TAFA2: variants seen among roughly 807,000 people sequenced by gnomAD.
TAFA2 encodes chemokine-like protein TAFA-2.
TAFA2 carries 7 observed loss-of-function variants against 18.8 expected under a neutral mutation model. The ratio of observed to expected loss-of-function variants is 0.37; its 90% CI spans 0.21 to 0.70. The LOEUF (loss-of-function observed/expected upper bound fraction) is 0.70. TAFA2 is among the 30% of genes least tolerant of loss of function. The pLI is 0.53. For synonymous variants in TAFA2, 60 were observed against 54.2 expected (o/e 1.11, Z -0.47); for missense variants, 122 against 158.1 (o/e 0.77, Z 1.23).
intron 1 of TAFA2, among the ~76,000 whole-genome samples, chr12:61,941,841 G>C (rs1320323505): frequency 2.0e-5 from 3 of 152,186 alleles, no homozygotes; most frequent in Admixed American, 6.5e-5. Context: ...ACAGCAGTCT[G>C]AGATCAAACT....
At chr12:62,221,483 T>C (rs537489842) in intron 1 of TAFA2, among the ~76,000 whole-genome samples, 19 of 152,246 alleles carry the variant, frequency 1.2e-4, no homozygotes, top group Admixed American at 7.2e-4. Context: ...ACTAATAGTC[T>C]AAGTGCTATT....
intron 1 of TAFA2, among the ~76,000 whole-genome samples, chr12:62,138,620 A>C (rs1008298079): frequency 6.6e-6 from 1 of 152,180 alleles, no homozygotes; most frequent in African/African-American, 2.4e-5. Context: ...TGAACTGTGC[A>C]GTCTTCTAGA....
intron 1 of TAFA2, among the ~76,000 whole-genome samples, chr12:62,088,614 T>TAAAAAA (rs139428735): frequency 3.8e-5 from 4 of 104,468 alleles, no homozygotes; most frequent in Admixed American, 1.0e-4. Context: ...TGGACCACAT[T>TAAAAAA]AAAAAAAAAA....
intron 1 of TAFA2, among the ~76,000 whole-genome samples, chr12:61,990,334 C>T (rs934291232): frequency 3.2e-5 from 3 of 93,956 alleles, no homozygotes; most frequent in African/African-American, 1.2e-4. Context: ...AAACACTGTG[C>T]CAATTTTTTT....
rs1373463 is a variant in TAFA2, at chr12:62,139,073, G to C, written c.-2+52186C>G. ...TAGATATGGTTAAATGCTTGGGGGC[G>C]GGGGAGAGGATGAGAAGAAGAATCC... On this transcript the variant is annotated intron_variant, in intron 1 of 4. Coordinates refer to ENST00000416284, the MANE Select transcript of TAFA2 (RefSeq NM_178539.5). Among the ~76,000 whole-genome samples the C allele has an allele frequency of 1.9e-3, 289 of 152,218 alleles. 3 individuals are homozygous for C. The highest frequency in any genetic ancestry group is 6.6e-3 in the African/African-American group (274 of 41,548).
chr12:61,727,338 A>G (rs184268373), intron 4 of TAFA2, among the ~76,000 whole-genome samples: 2 of 147,806 alleles, frequency 1.4e-5, no homozygotes, highest in Non-Finnish European at 3.0e-5. Flanking sequence ...CTGTGAATCC[A>G]TCTGGTCCTG....
chr12:62,005,216 C>T (rs185049677), intron 1 of TAFA2, among the ~76,000 whole-genome samples: 12 of 152,076 alleles, frequency 7.9e-5, no homozygotes, highest in South Asian at 2.1e-4. Flanking sequence ...TGTGAGGTGA[C>T]GGCAGTGTTT....
intron 1 of TAFA2, among the ~76,000 whole-genome samples, chr12:61,950,291 T>C (rs1481161556): frequency 1.3e-5 from 2 of 152,128 alleles, no homozygotes; most frequent in African/African-American, 4.8e-5. Context: ...AAAAACAAAA[T>C]TGCTGGATAA....
chr12:62,081,818 G>A (rs1383029912), intron 1 of TAFA2, among the ~76,000 whole-genome samples: 2 of 152,092 alleles, frequency 1.3e-5, no homozygotes, highest in East Asian at 1.9e-4. Flanking sequence ...AGGAGTACAT[G>A]TGCAGGATGT....
intron 4 of TAFA2, among the ~76,000 whole-genome samples, chr12:61,727,331 T>A (rs997535677): frequency 1.3e-5 from 2 of 150,814 alleles, no homozygotes; most frequent in African/African-American, 2.4e-5. Flanking sequence ...AATTCAGCTG[T>A]GAATCCATCT....
intron 4 of TAFA2, among the ~76,000 whole-genome samples, chr12:61,752,018 T>A (rs1156432516): frequency 6.6e-6 from 1 of 152,042 alleles, no homozygotes; most frequent in Non-Finnish European, 1.5e-5. Context: ...AAATTATTAG[T>A]ACAAAGTACA....
chr12:62,107,123 G>A (rs1294953616), intron 1 of TAFA2, among the ~76,000 whole-genome samples: 1 of 151,998 alleles, frequency 6.6e-6, no homozygotes. Context: ...GAAGTTAAAC[G>A]TACAACAAAA....
chr12:62,249,841 G>C (rs752734588), intron 1 of TAFA2, among the ~76,000 whole-genome samples: 32 of 152,142 alleles, frequency 2.1e-4, no homozygotes, highest in Non-Finnish European at 4.7e-4. Flanking sequence ...TTCAGACAAA[G>C]AGCCCTGAAG....
intron 1 of TAFA2, among the ~76,000 whole-genome samples, chr12:62,099,503 CT>C (rs1869096125): frequency 6.6e-6 from 1 of 152,140 alleles, no homozygotes; most frequent in Non-Finnish European, 1.5e-5. Flanking sequence ...CACCTGCAGG[CT>C]TTTGGCAATA....
intron 1 of TAFA2, among the ~76,000 whole-genome samples, chr12:61,923,058 G>A (rs113250995): frequency 6.6e-5 from 10 of 152,150 alleles, no homozygotes; most frequent in African/African-American, 2.4e-4. Flanking sequence ...CCTCCTCTCT[G>A]GGCAGGGCAT....
intron 1 of TAFA2, among the ~76,000 whole-genome samples, chr12:62,040,610 A>G (rs1881731626): frequency 6.6e-6 from 1 of 152,126 alleles, no homozygotes; most frequent in South Asian, 2.1e-4. Flanking sequence ...CTTCGGGGAG[A>G]ACATGGCTGT....
intron 1 of TAFA2, among the ~76,000 whole-genome samples, chr12:62,050,571 CAA>C (rs879420254): frequency 2.6e-5 from 3 of 114,242 alleles, no homozygotes; most frequent in African/African-American, 3.3e-5. Flanking sequence ...GACTCTGTCT[CAA>C]AAAAAAAAAA....
intron 2 of TAFA2, among the ~76,000 whole-genome samples, chr12:61,790,396 T>G (rs567657073): frequency 6.6e-6 from 1 of 151,916 alleles, no homozygotes; most frequent in Non-Finnish European, 1.5e-5. Context: ...TCAATAAAAC[T>G]TATCCAAATC....
chr12:62,074,324 C>T (rs1382773249), intron 1 of TAFA2, among the ~76,000 whole-genome samples: 1 of 152,146 alleles, frequency 6.6e-6, no homozygotes, highest in African/African-American at 2.4e-5. Flanking sequence ...AATTTCAATA[C>T]TTAATTTTGC....
Sources: allele counts gnomAD v4.1 joint callset (sites outside exome capture counted in the v4.1 genomes callset), GRCh38; gene constraint gnomAD v4.1.1; transcripts MANE v1.5; gene names NCBI Gene and HGNC (gene_info 2026-07-23, HGNC 2026-07-21).